Variants in TMEM94 observed in about 807,000 individuals in gnomAD.
TMEM94 encodes the protein ER Mg2+ ATPase.
In TMEM94, 81 loss-of-function variants were observed where a neutral mutation model predicts 158.6. The observed-to-expected ratio is 0.51, with a 90% CI of 0.43 to 0.61. The LOEUF is 0.61. Among genes scored for constraint, TMEM94 ranks in the 20% least tolerant of loss-of-function variants. The pLI is 0.00. For missense variants in TMEM94, 1,435 were observed against 1,762.0 expected (o/e 0.81, Z 3.32); for synonymous variants, 751 against 730.7 (o/e 1.03, Z -0.45).
chr17:75,498,615 C>G lies in TMEM94; in HGVS notation c.3734-14C>G, dbSNP rs772595540. The G allele has an allele frequency of 9.9e-6, 16 of 1,611,992 alleles. No homozygotes were observed. The highest frequency in any genetic ancestry group is 1.3e-5 in the African/African-American group (1 of 74,890). On this transcript the variant is annotated splice_polypyrimidine_tract_variant and intron_variant, in intron 29 of 31. Transcript: ENST00000314256. The surrounding 1 kb of genome is among the most constrained non-coding windows in gnomAD (Gnocchi z 6.7). ...TGTGGAAGTCTGACCCCCACATCGC[C>G]CCACCTTCCCCAGTCTTCATTTCCA...
chr17:75,463,035 AAAATATATATATAT>A (rs1400847253), intron 1 of TMEM94, among the ~76,000 whole-genome samples: 16 of 3,410 alleles, frequency 4.7e-3, no homozygotes, highest in Non-Finnish European at 6.7e-3. Flanking sequence ...AAAAAAAAAA[AAAATATATATATAT>A]ATATATATAT....
rs756586608 is a variant in TMEM94, at chr17:75,496,197, A to C, written c.3054-85A>C. On this transcript the variant is annotated intron_variant, in intron 23 of 31. Coordinates refer to ENST00000314256, the MANE Select transcript of TMEM94 (RefSeq NM_014738.6). ...ACCTCGCCCTGGCTGGGACCAATGC[A>C]CCTGGGCATGGTGGGAGAAGAGGGT... The C allele has an allele frequency of 1.5e-5, 23 of 1,580,870 alleles. No individual in the cohort carries two copies. The African/African-American group carries it at 2.2e-4, about 15-fold the overall frequency.
chr17:75,497,975 T>C, intron 27 of TMEM94, 113 bp downstream of exon 27: 2 of 1,183,904 alleles, frequency 1.7e-6, no homozygotes, highest in Non-Finnish European at 2.4e-6. Context: ...CCAGCAGAAC[T>C]CCGGCACTTG....
intron 2 of TMEM94, among the ~76,000 whole-genome samples, chr17:75,480,697 G>A (rs1287988511): frequency 6.6e-6 from 1 of 152,224 alleles, no homozygotes; most frequent in Non-Finnish European, 1.5e-5. Flanking sequence ...TGCCTTGCTG[G>A]AAACTGTCAC....
In TMEM94 at chr17:75,490,405, G is replaced by A. The variant is rs2052060224; in HGVS notation, c.1071+55G>A. 14 of 1,580,434 alleles carry A rather than the reference G, an allele frequency of 8.9e-6. 1 individual carries two copies. Among genetic ancestry groups the A allele is most frequent in the African/African-American group, 1.3e-5 (1 of 74,222 alleles). The stretch of plus-strand genomic sequence containing the variant: ...TCACAGGAACAAAAAGAGGGAGCTG[G>A]CTGTGCCAGAGGACGGGGGCAGAAG... On this transcript the variant is annotated intron_variant, in intron 10 of 31. Coordinates refer to ENST00000314256, the MANE Select transcript of TMEM94 (RefSeq NM_014738.6).
At chr17:75,472,793 T>G (rs2050547018) in intron 2 of TMEM94, among the ~76,000 whole-genome samples, 1 of 152,218 alleles carries the variant, frequency 6.6e-6, no homozygotes, top group Non-Finnish European at 1.5e-5. Context: ...CCTTCCTGCT[T>G]TGACTTTAGC....
At chr17:75,459,207 C>T (rs2049990740) in intron 1 of TMEM94, among the ~76,000 whole-genome samples, 1 of 152,212 alleles carries the variant, frequency 6.6e-6, no homozygotes, top group Non-Finnish European at 1.5e-5. Flanking sequence ...CACTGGTTCT[C>T]TTTGTCAAAA....
chr17:75,463,182 A>G (rs200168347), intron 1 of TMEM94, among the ~76,000 whole-genome samples: 2 of 22,268 alleles, frequency 9.0e-5, no homozygotes, highest in Admixed American at 6.6e-4. Flanking sequence ...GTGTGTGTAT[A>G]TATATATATA....
intron 1 of TMEM94, among the ~76,000 whole-genome samples, chr17:75,465,145 C>T (rs562877659): frequency 5.9e-5 from 9 of 151,864 alleles, no homozygotes; most frequent in Admixed American, 1.3e-4. Context: ...TCATTTTAGT[C>T]GTTCTAATGG....
intron 1 of TMEM94, among the ~76,000 whole-genome samples, chr17:75,465,655 T>TATTTA (rs9302993): frequency 0.016 from 1,564 of 98,764 alleles, 30 homozygotes; most frequent in South Asian, 0.037. Flanking sequence ...ATAAGAATTT[T>TATTTA]TATATATATA....
intron 4 of TMEM94, 65 bp downstream of exon 4, chr17:75,486,063 G>A (rs1245465058): frequency 7.9e-6 from 12 of 1,527,708 alleles, no homozygotes; most frequent in Non-Finnish European, 1.1e-5. Context: ...GCGGCACCTG[G>A]GACAGACCAG....
chr17:75,498,225 C>T lies in TMEM94; in HGVS notation c.3540C>T (p.Ile1180=). Residue 1180 remains isoleucine (I), a synonymous_variant, in exon 28 of 32, where the codon ATC becomes ATT. Transcript: ENST00000314256. This position sits in a 1 kb window ranked among gnomAD's most constrained non-coding sequence, Gnocchi z 6.7. ...TCCTGCTCAAGTTCAGCCTCACCATCAGCTCCTGCCTCATCTGCTTTGGCT... is the reference window on the plus strand; with the variant it reads ...TCCTGCTCAAGTTCAGCCTCACCATTAGCTCCTGCCTCATCTGCTTTGGCT... ...LCFLLKFSLT[I]SSCLICFGFT... 1 of 1,613,962 alleles carries T rather than the reference C, an allele frequency of 6.2e-7. No individual in the cohort carries two copies. The highest frequency in any genetic ancestry group is 8.5e-7 in the Non-Finnish European group (1 of 1,180,022).
intron 24 of TMEM94, 121 bp downstream of exon 24, chr17:75,496,592 TC>T: frequency 7.2e-7 from 1 of 1,396,812 alleles, no homozygotes. Flanking sequence ...GAGCGGGCTC[TC>T]CCAGGCAGTT....
chr17:75,479,534 G>T (rs1412423684), intron 2 of TMEM94, among the ~76,000 whole-genome samples: 2 of 151,516 alleles, frequency 1.3e-5, no homozygotes, highest in East Asian at 2.0e-4. Flanking sequence ...TGGCCAGGCT[G>T]GTCTCGAACT....
chr17:75,477,648 G>C (rs1443853308), intron 2 of TMEM94, among the ~76,000 whole-genome samples: 1 of 152,138 alleles, frequency 6.6e-6, no homozygotes. Context: ...TGATTCTATT[G>C]TTCCTAAAAC....
In TMEM94 at chr17:75,498,089, T is replaced by G; in HGVS notation, c.3490-86T>G. On this transcript the variant is annotated intron_variant, in intron 27 of 31. Coordinates refer to ENST00000314256, the MANE Select transcript of TMEM94 (RefSeq NM_014738.6). The surrounding 1 kb of genome is among the most constrained non-coding windows in gnomAD (Gnocchi z 6.7). Reference sequence around the variant, plus strand: ...TATCCCCCCAGGCCTGACCATTTACTAAGAGCCCGTTGAATACGTGGAAGA... The same window carrying G: ...TATCCCCCCAGGCCTGACCATTTACGAAGAGCCCGTTGAATACGTGGAAGA... 1 of 1,561,592 alleles carries G rather than the reference T, an allele frequency of 6.4e-7. No homozygotes were observed. Among genetic ancestry groups the G allele is most frequent in the Non-Finnish European group, 8.7e-7 (1 of 1,145,124 alleles).
chr17:75,495,574 C>T lies in TMEM94; in HGVS notation c.2875C>T (p.Arg959Trp), dbSNP rs376274291. Residue 959 changes from arginine (R) to tryptophan (W), a missense_variant, in exon 22 of 32, where the codon CGG becomes TGG. By Grantham distance (101) the Arg-to-Trp change is moderately radical. Around this residue, in one of 3 missense-constraint regions of TMEM94, gnomAD observed 49 missense variants for 98.5 expected, o/e 0.50. Coordinates refer to ENST00000314256, the MANE Select transcript of TMEM94 (RefSeq NM_014738.6). The surrounding 1 kb of genome is among the most constrained non-coding windows in gnomAD (Gnocchi z 5.6). ...AKLPRGIHQV[R>W]PHLQNIDNVP... ...GCTGCCCCGGGGTATCCACCAAGTGCGGCCCCACCTGCAGAACATTGACAA... is the reference window on the plus strand; with the variant it reads ...GCTGCCCCGGGGTATCCACCAAGTGTGGCCCCACCTGCAGAACATTGACAA... The T allele has an allele frequency of 6.2e-6, 10 of 1,613,542 alleles. No homozygotes were observed. The highest frequency in any genetic ancestry group is 1.7e-5 in the Admixed American group (1 of 60,006).
intron 4 of TMEM94, 59 bp downstream of exon 4, chr17:75,486,057 C>G: frequency 6.5e-7 from 1 of 1,535,260 alleles, no homozygotes; most frequent in South Asian, 1.2e-5. Flanking sequence ...CCTGCCGCGG[C>G]ACCTGGGACA....
Position 75,492,013 on chromosome 17 carries a change from T to C in TMEM94, c.1596+113T>C. On this transcript the variant is annotated intron_variant, in intron 14 of 31. Transcript: ENST00000314256. This position sits in a 1 kb window ranked among gnomAD's most constrained non-coding sequence, Gnocchi z 4.4. ...AAAGAGCAGGCGTCTCTGCCCTCTG[T>C]CCCAGCACCTCCAGGCTAGGCCAGT... The C allele has an allele frequency of 9.1e-7, 1 of 1,095,918 alleles. No individual in the cohort carries two copies. Among genetic ancestry groups the C allele is most frequent in the Non-Finnish European group, 1.3e-6 (1 of 756,482 alleles). 67.9% of individuals were successfully genotyped at this position (1,095,918 alleles called of 1,614,324 possible).
Sources: gnomAD v4.1 joint callset for allele counts (sites outside exome capture counted in the v4.1 genomes callset) on GRCh38, gnomAD v4.1.1 for gene constraint, gnomAD v4.1.1 regional missense constraint, Gnocchi (gnomAD v3.1) non-coding constraint, MANE v1.5 for transcripts, NCBI Gene and HGNC (gene_info 2026-07-23, HGNC 2026-07-21) for gene names.